The following HEMK1 variants were observed in gnomAD, a reference collection of about 807,000 sequenced individuals.
The protein encoded by HEMK1 is HemK methyltransferase 1, mitochondrial release factors N(5)-glutamine.
HEMK1 carries 36 observed loss-of-function variants against 47.9 expected under a neutral mutation model. That is an observed-to-expected ratio of 0.75 (90% confidence interval 0.58 to 0.99). The LOEUF is 0.99. HEMK1 is among the 50% of genes least tolerant of loss of function. The pLI, the probability that HEMK1 is intolerant of heterozygous loss-of-function variation, is 0.00. For synonymous variants in HEMK1, 153 were observed against 165.4 expected (o/e 0.93, Z 0.57); for missense variants, 383 against 434.5 (o/e 0.88, Z 1.05).
rs958486588 is a variant in HEMK1 at position 50,596,084 on chromosome 3, C to G, written c.*15667C>G. 3 of 152,240 alleles carry G rather than the reference C, an allele frequency of 2.0e-5. No individual in the cohort carries two copies. Among genetic ancestry groups the G allele is most frequent in the Non-Finnish European group, 4.4e-5 (3 of 68,044 alleles). The allele number at this position is 152,240 out of a possible 1,614,324, so 9.4% of individuals were successfully genotyped here. A position where few individuals can be genotyped will look rare whatever the true frequency, so the allele number is the denominator to read the frequency against. Reference sequence around the variant, plus strand: ...AAATTGTGCTTTGTCTGTTACCACTCTCTTCTAATCTGCCTGTGGCCTGTT... The same window carrying G: ...AAATTGTGCTTTGTCTGTTACCACTGTCTTCTAATCTGCCTGTGGCCTGTT... On this transcript the variant is annotated 3_prime_UTR_variant, in exon 11 of 11. Transcript: ENST00000232854.
In HEMK1 at chr3:50,576,928, G is replaced by A. The variant is rs1701653715; in HGVS notation, c.415-124G>A. 1.0e-5 allele frequency: 12 copies of A among 1,166,814 alleles called. No individual in the cohort carries two copies. In the South Asian group the frequency reaches 1.6e-4, roughly 16 times the overall value. The allele number at this position is 1,166,814 out of a possible 1,614,324, so 72.3% of individuals were successfully genotyped here. ...TTGGCCATGCCCCAGCTGACATGAA[G>A]GTCAGTCTGGCTTTGGCTACCTCCC... is the stretch of plus-strand genomic sequence containing the variant. On this transcript the variant is annotated intron_variant, in intron 4 of 10. Coordinates refer to ENST00000232854, the MANE Select transcript of HEMK1 (RefSeq NM_016173.5).
Position 50,590,781 on chromosome 3 carries a change from G to A in HEMK1, c.*10364G>A, listed in dbSNP as rs552611769. On this transcript the variant is annotated 3_prime_UTR_variant, in exon 11 of 11. Transcript: ENST00000232854. ...TCCTTGGGAGCCCCACCAGGCTCCA[G>A]TGTGGTTGCCCCAAGTACTCCATGA... 6.6e-6 allele frequency: 1 copy of A among 152,298 alleles called. No homozygotes were observed. Among genetic ancestry groups the A allele is most frequent in the South Asian group, 2.1e-4 (1 of 4,822 alleles). 9.4% of individuals were successfully genotyped at this position (152,298 alleles called of 1,614,324 possible).
Position 50,583,576 on chromosome 3 carries a change from C to T in HEMK1, c.*3159C>T, listed in dbSNP as rs2031060705. Reference sequence around the variant, plus strand: ...AACTGCTGGCTTGAGGTGAGAACCCCTTTAACCTCTGCGGGACAGCATGTC... The same window carrying T: ...AACTGCTGGCTTGAGGTGAGAACCCTTTTAACCTCTGCGGGACAGCATGTC... On this transcript the variant is annotated 3_prime_UTR_variant, in exon 11 of 11. Coordinates refer to ENST00000232854, the MANE Select transcript of HEMK1 (RefSeq NM_016173.5). 1 of 152,288 alleles carries T rather than the reference C, an allele frequency of 6.6e-6. No homozygotes were observed. Among genetic ancestry groups the T allele is most frequent in the African/African-American group, 2.4e-5 (1 of 41,460 alleles). The allele number at this position is 152,288 out of a possible 1,614,324, so 9.4% of individuals were successfully genotyped here. A position where few individuals can be genotyped will look rare whatever the true frequency, so the allele number is the denominator to read the frequency against.
intron 2 of HEMK1, 65 bp from the exon 3 acceptor site, chr3:50,571,645 T>C: frequency 1.4e-6 from 2 of 1,450,566 alleles, no homozygotes; most frequent in Non-Finnish European, 1.9e-6. Context: ...ATTATCCACA[T>C]AAGACACCTG....
rs2031263127 is a variant in HEMK1, at chr3:50,585,324, T to A, written c.*4907T>A. The A allele has an allele frequency of 6.6e-6, 1 of 152,372 alleles. No individual in the cohort carries two copies. Among genetic ancestry groups the A allele is most frequent in the Non-Finnish European group, 1.5e-5 (1 of 68,154 alleles). 9.4% of individuals were successfully genotyped at this position (152,372 alleles called of 1,614,324 possible). A position where few individuals can be genotyped will look rare whatever the true frequency, so the allele number is the denominator to read the frequency against. On this transcript the variant is annotated 3_prime_UTR_variant, in exon 11 of 11. Coordinates refer to ENST00000232854, the MANE Select transcript of HEMK1 (RefSeq NM_016173.5). ...TCTGTGAAATGAGCACAGCAGCCCC[T>A]GACTTTGAGCTAATGGGCCTGGCCC...
At position 50,595,753 on chromosome 3, in the gene HEMK1, C is replaced by T. The variant is rs1296304567; in HGVS notation, c.*15336C>T. The T allele has an allele frequency of 6.6e-6, 1 of 152,204 alleles. No homozygotes were observed. The highest frequency in any genetic ancestry group is 1.5e-5 in the Non-Finnish European group (1 of 68,046). 9.4% of individuals were successfully genotyped at this position (152,204 alleles called of 1,614,324 possible). A position where few individuals can be genotyped will look rare whatever the true frequency, so the allele number is the denominator to read the frequency against. ...TCTATTTGCATTTGGATGCTTGTCT[C>T]AGAGTGGTTTCTGCAGGAAAAAACC... On this transcript the variant is annotated 3_prime_UTR_variant, in exon 11 of 11. Coordinates refer to ENST00000232854, the MANE Select transcript of HEMK1 (RefSeq NM_016173.5).
chr3:50,587,162 C>T lies in HEMK1; in HGVS notation c.*6745C>T, dbSNP rs1336792795. ...ACGCTGAGGCCAGCATAACTAGGTC[C>T]TGGGCTGTCCCCTGCAGAGCTTAGC... is the stretch of plus-strand genomic sequence containing the variant. On this transcript the variant is annotated 3_prime_UTR_variant, in exon 11 of 11. Coordinates refer to ENST00000232854, the MANE Select transcript of HEMK1 (RefSeq NM_016173.5). The surrounding 1 kb of genome is among the most constrained non-coding windows in gnomAD (Gnocchi z 4.2). The T allele has an allele frequency of 1.3e-5, 2 of 152,210 alleles. No homozygotes were observed. The highest frequency in any genetic ancestry group is 2.9e-5 in the Non-Finnish European group (2 of 68,080). The allele number at this position is 152,210 out of a possible 1,614,324, so 9.4% of individuals were successfully genotyped here. A position where few individuals can be genotyped will look rare whatever the true frequency, so the allele number is the denominator to read the frequency against.
chr3:50,572,050 AC>A (rs1701038139), intron 3 of HEMK1, 64 bp from the exon 4 acceptor site: 1 of 1,605,480 alleles, frequency 6.2e-7, no homozygotes, highest in Non-Finnish European at 8.5e-7. Context: ...TGGTATCTCA[AC>A]CCAGGCATGG....
In HEMK1 at chr3:50,592,331, A is replaced by G. The variant is rs2031767365; in HGVS notation, c.*11914A>G. On this transcript the variant is annotated 3_prime_UTR_variant, in exon 11 of 11. Transcript: ENST00000232854. ...ATTCTCCCAGCAAACCCGCCTGGGA[A>G]CTAACCACAGGCTCCTCCCAGCTTT... 1 of 152,210 alleles carries G rather than the reference A, an allele frequency of 6.6e-6. No individual in the cohort carries two copies. The highest frequency in any genetic ancestry group is 2.1e-4 in the South Asian group (1 of 4,814). The allele number at this position is 152,210 out of a possible 1,614,324, so 9.4% of individuals were successfully genotyped here.
intron 7 of HEMK1, 88 bp downstream of exon 7, chr3:50,577,963 A>G: frequency 1.7e-6 from 2 of 1,197,388 alleles, no homozygotes; most frequent in African/African-American, 1.5e-5. Context: ...ATGGAGGGAG[A>G]GCTCCCCCAA....
Position 50,580,630 on chromosome 3 carries a change from G to A in HEMK1, c.*213G>A, listed in dbSNP as rs2030675695. ...TGCTCTGTGTTGGTGAAATTGCTGT[G>A]GGGGTATCGGGGGATATGGCCAGTA... is the stretch of plus-strand genomic sequence containing the variant. On this transcript the variant is annotated 3_prime_UTR_variant, in exon 11 of 11. Coordinates refer to ENST00000232854, the MANE Select transcript of HEMK1 (RefSeq NM_016173.5). The A allele has an allele frequency of 1.7e-6, 1 of 598,304 alleles. No individual in the cohort carries two copies. Among genetic ancestry groups the A allele is most frequent in the Non-Finnish European group, 3.0e-6 (1 of 336,384 alleles). The allele number at this position is 598,304 out of a possible 1,614,324, so 37.1% of individuals were successfully genotyped here. A position where few individuals can be genotyped will look rare whatever the true frequency, so the allele number is the denominator to read the frequency against.
intron 4 of HEMK1, 79 bp downstream of exon 4, chr3:50,572,287 AG>A: frequency 1.3e-6 from 2 of 1,533,766 alleles, no homozygotes; most frequent in Non-Finnish European, 8.8e-7. Flanking sequence ...GGCTTCCTCC[AG>A]GGGGCACTGG....
At position 50,594,408 on chromosome 3, in the gene HEMK1, A is replaced by T. The variant is rs1480173264; in HGVS notation, c.*13991A>T. On this transcript the variant is annotated 3_prime_UTR_variant, in exon 11 of 11. Transcript: ENST00000232854. ...AGGAGTTCATGGCCTGGTGGAGGAT[A>T]CAGGCAGGCAAATAGATCCTTATCC... 6.6e-6 allele frequency: 1 copy of T among 152,240 alleles called. No individual in the cohort carries two copies. Among genetic ancestry groups the T allele is most frequent in the Non-Finnish European group, 1.5e-5 (1 of 68,046 alleles). 9.4% of individuals were successfully genotyped at this position (152,240 alleles called of 1,614,324 possible). A position where few individuals can be genotyped will look rare whatever the true frequency, so the allele number is the denominator to read the frequency against.
At position 50,571,080 on chromosome 3, in the gene HEMK1, A is replaced by C; in HGVS notation, c.-25A>C. ...AAAGCAGACTTGGGAACCTGGAAGC[A>C]CTCTGGAGAACCTTTCCCTGAGACA... On this transcript the variant is annotated 5_prime_UTR_variant, in exon 2 of 11. Transcript: ENST00000232854. 5 of 1,536,144 alleles carry C rather than the reference A, an allele frequency of 3.3e-6. No individual in the cohort carries two copies. Among genetic ancestry groups the C allele is most frequent in the Non-Finnish European group, 4.4e-6 (5 of 1,134,706 alleles).
Position 50,586,590 on chromosome 3 carries a change from G to A in HEMK1, c.*6173G>A, listed in dbSNP as rs1356170516. ...TACTAGGTCTGCGGCCCTCTTCTGG[G>A]GCATGTGGCTGGGGAAATGGTGGGA... On this transcript the variant is annotated 3_prime_UTR_variant, in exon 11 of 11. Coordinates refer to ENST00000232854, the MANE Select transcript of HEMK1 (RefSeq NM_016173.5). 2 of 152,480 alleles carry A rather than the reference G, an allele frequency of 1.3e-5. No homozygotes were observed. Among genetic ancestry groups the A allele is most frequent in the East Asian group, 3.9e-4 (2 of 5,184 alleles). 9.4% of individuals were successfully genotyped at this position (152,480 alleles called of 1,614,324 possible). A position where few individuals can be genotyped will look rare whatever the true frequency, so the allele number is the denominator to read the frequency against.
At chr3:50,577,330 G>GGTAGGC in intron 5 of HEMK1, 144 bp downstream of exon 5, 1 of 1,168,490 alleles carries the variant, frequency 8.6e-7, no homozygotes, top group Non-Finnish European at 1.2e-6. Flanking sequence ...AGCCCACTGT[G>GGTAGGC]GTTCACAGAC....
intron 2 of HEMK1, 69 bp from the exon 3 acceptor site, chr3:50,571,641 C>A: frequency 1.4e-6 from 2 of 1,402,908 alleles, no homozygotes; most frequent in Non-Finnish European, 2.0e-6. Context: ...AGGCATTATC[C>A]ACATAAGACA....
At chr3:50,571,927 T>A (rs1424267593) in intron 3 of HEMK1, 126 bp downstream of exon 3, 1 of 1,105,124 alleles carries the variant, frequency 9.0e-7, no homozygotes, top group Admixed American at 2.1e-5. Flanking sequence ...GGTGCAGGAG[T>A]GGCAAGAGTG....
chr3:50,577,312 C>A, intron 5 of HEMK1, 126 bp downstream of exon 5: 1 of 1,220,524 alleles, frequency 8.2e-7, no homozygotes, highest in Non-Finnish European at 1.2e-6. Flanking sequence ...GAGGACAGGG[C>A]TGCCCCTAGC....
Sources: allele counts gnomAD v4.1 joint callset, GRCh38; gene constraint gnomAD v4.1.1; non-coding constraint Gnocchi (gnomAD v3.1); transcripts MANE v1.5; gene names NCBI Gene and HGNC (gene_info 2026-07-23, HGNC 2026-07-21).